SHC3: variants seen among roughly 807,000 people sequenced by gnomAD.
SHC3 encodes the protein SHC adaptor protein 3, also known as SHC-transforming protein 3.
In SHC3, 15 loss-of-function variants were observed where a neutral mutation model predicts 60.4. The ratio of observed to expected loss-of-function variants is 0.25; its 90% confidence interval spans 0.17 to 0.38. The LOEUF is 0.38. Among genes scored for constraint, SHC3 ranks in the 10% least tolerant of loss-of-function variants. The probability of loss-of-function intolerance (pLI) is 1.00; values close to 1 mark genes in which losing one functional copy is unlikely to be tolerated. For missense variants in SHC3, 677 were observed against 786.1 expected (o/e 0.86, Z 1.66); for synonymous variants, 294 against 325.9 (o/e 0.90, Z 1.05).
At chr9:89,173,646 G>T (rs1365611962) in intron 1 of SHC3, among the ~76,000 whole-genome samples, 3 of 152,136 alleles carry the variant, frequency 2.0e-5, no homozygotes, top group African/African-American at 4.8e-5. Context: ...GCTGTGGGGT[G>T]TGTGTGTTGT....
At chr9:89,042,980 C>T (rs746278468) in intron 9 of SHC3, among the ~76,000 whole-genome samples, 2 of 152,148 alleles carry the variant, frequency 1.3e-5, no homozygotes, top group African/African-American at 2.4e-5. Context: ...TGCCGGAGAA[C>T]GCCTGTTCAG....
intron 2 of SHC3, among the ~76,000 whole-genome samples, chr9:89,093,514 GC>G (rs1244000083): frequency 1.3e-5 from 2 of 149,566 alleles, no homozygotes; most frequent in Non-Finnish European, 3.0e-5. Context: ...TACAAAATAT[GC>G]AAAAAGCTCC....
intron 1 of SHC3, among the ~76,000 whole-genome samples, chr9:89,133,662 C>G (rs890016783): frequency 6.6e-6 from 1 of 151,926 alleles, no homozygotes; most frequent in Non-Finnish European, 1.5e-5. Context: ...ATCGCAAGGA[C>G]AGAAAACCAA....
chr9:89,169,273 G>A (rs917439487), intron 1 of SHC3, among the ~76,000 whole-genome samples: 2 of 152,118 alleles, frequency 1.3e-5, no homozygotes, highest in African/African-American at 4.8e-5. Flanking sequence ...GGACTAGGAG[G>A]CCTGCCCCTC....
At chr9:89,080,859 C>T (rs893843089) in intron 2 of SHC3, among the ~76,000 whole-genome samples, 3 of 151,214 alleles carry the variant, frequency 2.0e-5, no homozygotes, top group African/African-American at 4.9e-5. Context: ...CTCCGCCTCC[C>T]GGGTTCACGC....
At chr9:89,141,783 A>T (rs1474812343) in intron 1 of SHC3, among the ~76,000 whole-genome samples, 2 of 152,092 alleles carry the variant, frequency 1.3e-5, no homozygotes, top group Non-Finnish European at 2.9e-5. Context: ...AGCAGTTTCA[A>T]CTTGCGGTCA....
intron 1 of SHC3, among the ~76,000 whole-genome samples, chr9:89,127,707 T>C (rs1340544278): frequency 2.0e-5 from 3 of 152,020 alleles, no homozygotes; most frequent in African/African-American, 7.2e-5. Flanking sequence ...GGGGGATACT[T>C]GCCTCTTCGC....
chr9:89,102,241 T>A (rs1825793521), intron 2 of SHC3, among the ~76,000 whole-genome samples: 1 of 152,196 alleles, frequency 6.6e-6, no homozygotes, highest in Non-Finnish European at 1.5e-5. Flanking sequence ...TAGCAGTTTA[T>A]CATGGCATTG....
intron 2 of SHC3, 35 bp from the exon 3 acceptor site, chr9:89,077,938 G>A (rs762623329): frequency 6.2e-7 from 1 of 1,612,590 alleles, no homozygotes; most frequent in South Asian, 1.1e-5. Context: ...TTTATTACGT[G>A]TCAGTCGGGA....
Position 89,038,047 on chromosome 9 carries a change from C to T in SHC3, c.1602G>A (p.Thr534=), listed in dbSNP as rs575391468. The part of the protein sequence containing the change: ...STTNPGSFVL[T]GMHNGQAKHL... ...GCTTGGCCTGGCCATTGTGCATGCC[C>T]GTGAGGACAAAGGAGCCCGGGTTGG... The change falls in exon 11 of 12, where the codon ACG becomes ACA. Residue 534 remains threonine (T), a synonymous_variant. Coordinates refer to ENST00000375835, the MANE Select transcript of SHC3 (RefSeq NM_016848.6). 1.5e-5 allele frequency: 24 copies of T among 1,613,634 alleles called. No homozygotes were observed. The highest frequency in any genetic ancestry group is 9.9e-5 in the South Asian group (9 of 91,084).
chr9:89,080,978 G>T (rs1825436700), intron 2 of SHC3, among the ~76,000 whole-genome samples: 1 of 151,984 alleles, frequency 6.6e-6, no homozygotes. Context: ...GTATTAGCCA[G>T]GATGGTCTTG....
chr9:89,178,296 C>T lies in SHC3; in HGVS notation c.165G>A (p.Lys55=). Residue 55 remains lysine (K), a synonymous_variant, in exon 1 of 12, where the codon AAG becomes AAA. Transcript: ENST00000375835. This position sits in a 1 kb window ranked among gnomAD's most constrained non-coding sequence, Gnocchi z 6.9. The part of the protein sequence containing the change: ...PYLVSGEALR[K]APDDGPGSLG... ...GGCTGCCGGGCCCATCGTCGGGCGC[C>T]TTGCGCAGCGCCTCGCCGGACACCA... The T allele has an allele frequency of 6.4e-7, 1 of 1,574,556 alleles. No homozygotes were observed. Among genetic ancestry groups the T allele is most frequent in the Non-Finnish European group, 8.6e-7 (1 of 1,162,866 alleles).
chr9:89,064,569 T>C (rs548388555), intron 6 of SHC3, among the ~76,000 whole-genome samples: 1 of 152,260 alleles, frequency 6.6e-6, no homozygotes, highest in South Asian at 2.1e-4. Context: ...GAAGAGCTTT[T>C]AGAAAATTGT....
chr9:89,086,199 C>T (rs1825527233), intron 2 of SHC3, among the ~76,000 whole-genome samples: 1 of 152,198 alleles, frequency 6.6e-6, no homozygotes, highest in African/African-American at 2.4e-5. Context: ...TGGGTGTCCT[C>T]CAATTCAGAT....
intron 1 of SHC3, among the ~76,000 whole-genome samples, chr9:89,175,916 C>G (rs1313442945): frequency 6.6e-6 from 1 of 152,192 alleles, no homozygotes; most frequent in African/African-American, 2.4e-5. Flanking sequence ...CACATGTGCG[C>G]CAACAGAGGG....
At position 89,064,231 on chromosome 9, in the gene SHC3, G is replaced by C. The variant is rs79194161; in HGVS notation, c.835+1298C>G. On this transcript the variant is annotated intron_variant, in intron 6 of 11. Transcript: ENST00000375835. The stretch of plus-strand genomic sequence containing the variant: ...TTCTATTTTAACATATAAATTTGGG[G>C]GTGACGTGAATATTCAGTCCATAAG... Among the ~76,000 whole-genome samples, 21 of 152,242 alleles carry C rather than the reference G, an allele frequency of 1.4e-4. No individual in the cohort carries two copies. The East Asian group carries it at 4.0e-3, about 29-fold the overall frequency.
intron 10 of SHC3, 98 bp downstream of exon 10, chr9:89,041,928 A>G (rs17526079): frequency 0.17 from 244,004 of 1,461,824 alleles, 22,432 homozygotes; most frequent in Admixed American, 0.19. Context: ...CCAAAACCCT[A>G]CTATCAGAAA....
At chr9:89,077,311 A>T (rs1825375018) in intron 3 of SHC3, among the ~76,000 whole-genome samples, 1 of 152,244 alleles carries the variant, frequency 6.6e-6, no homozygotes, top group Non-Finnish European at 1.5e-5. Flanking sequence ...TGGCAGAAAC[A>T]TTATACAACC....
At chr9:89,065,220 G>A (rs1825158532) in intron 6 of SHC3, among the ~76,000 whole-genome samples, 1 of 152,206 alleles carries the variant, frequency 6.6e-6, no homozygotes, top group Admixed American at 6.5e-5. Flanking sequence ...CAGGAGGACA[G>A]GCAGCAGGTG....
Sources: allele counts gnomAD v4.1 joint callset (sites outside exome capture counted in the v4.1 genomes callset), GRCh38; gene constraint gnomAD v4.1.1; non-coding constraint Gnocchi (gnomAD v3.1); transcripts MANE v1.5; gene names NCBI Gene and HGNC (gene_info 2026-07-23, HGNC 2026-07-21).